ERC2: variants seen among roughly 807,000 people sequenced by gnomAD.
The protein encoded by ERC2 is ERC protein 2.
A neutral mutation model predicts 114.8 loss-of-function variants in ERC2; 42 were observed. The ratio of observed to expected loss-of-function variants is 0.37; its 90% CI spans 0.29 to 0.47. The LOEUF is 0.47. ERC2 is among the 20% of genes least tolerant of loss of function. The pLI, the probability that ERC2 is intolerant of heterozygous loss-of-function variation, is 0.99. For missense variants in ERC2, 939 were observed against 1,150.7 expected, an observed-to-expected ratio of 0.82 and a Z score of 2.66; for synonymous variants, 454 against 425.5, an observed-to-expected ratio of 1.07 and a Z score of -0.82.
intron 14 of ERC2, among the ~76,000 whole-genome samples, chr3:55,853,827 G>A (rs1460032297): frequency 6.6e-6 from 1 of 152,170 alleles, no homozygotes; most frequent in Non-Finnish European, 1.5e-5. Flanking sequence ...AAGAATTACA[G>A]AAGTGGGTGG....
intron 3 of ERC2, among the ~76,000 whole-genome samples, chr3:56,192,362 G>A (rs1474858601): frequency 6.6e-6 from 1 of 152,196 alleles, no homozygotes; most frequent in African/African-American, 2.4e-5. Context: ...TAGTAAGCAT[G>A]AGATAAATGT....
chr3:56,206,885 C>T (rs2150111686), intron 3 of ERC2, among the ~76,000 whole-genome samples: 1 of 152,302 alleles, frequency 6.6e-6, no homozygotes, highest in East Asian at 1.9e-4. Flanking sequence ...CTTGCCTAGG[C>T]AGGAATTTAA....
chr3:55,977,390 G>A (rs914273330), intron 12 of ERC2, among the ~76,000 whole-genome samples: 8 of 101,082 alleles, frequency 7.9e-5, no homozygotes, highest in Admixed American at 3.2e-4. Context: ...AAAGACAAAC[G>A]TATCATTTTC....
At chr3:55,874,170 C>T (rs185860801) in intron 14 of ERC2, among the ~76,000 whole-genome samples, 1 of 152,156 alleles carries the variant, frequency 6.6e-6, no homozygotes, top group East Asian at 1.9e-4. Flanking sequence ...AGAATGCTAC[C>T]CATACCTTGG....
intron 13 of ERC2, among the ~76,000 whole-genome samples, chr3:55,904,110 G>C (rs1056468592): frequency 1.3e-5 from 2 of 152,328 alleles, no homozygotes; most frequent in East Asian, 3.9e-4. Flanking sequence ...AGGTGATGGA[G>C]AAATGTTCTC....
intron 13 of ERC2, among the ~76,000 whole-genome samples, chr3:55,929,015 A>T (rs2065913767): frequency 6.6e-6 from 1 of 151,864 alleles, no homozygotes; most frequent in African/African-American, 2.4e-5. Context: ...ACTATCCACC[A>T]TTGCTTTGTT....
Position 56,080,922 on chromosome 3 carries a change from C to T in ERC2, c.1536G>A (p.Gln512=). The T allele has an allele frequency of 6.2e-7, 1 of 1,613,536 alleles. No individual in the cohort carries two copies. ...CCTTCTCTTCTGTGAGGTCCTGTAG[C>T]TGTTTTGTTTTTTTATTGAGGAAAG... ...KESFLNKKTK[Q]LQDLTEEKGT... Residue 512 remains glutamine, a synonymous_variant, in exon 7 of 18, where the codon CAG becomes CAA. Coordinates refer to ENST00000288221, the MANE Select transcript of ERC2 (RefSeq NM_015576.3).
intron 2 of ERC2, among the ~76,000 whole-genome samples, chr3:56,371,154 G>T (rs2059349014): frequency 6.6e-6 from 1 of 152,146 alleles, no homozygotes; most frequent in African/African-American, 2.4e-5. Context: ...GAAAAGAAAG[G>T]ACTGAAAGAC....
chr3:56,042,024 G>A (rs1009361940), intron 7 of ERC2, among the ~76,000 whole-genome samples: 2 of 152,140 alleles, frequency 1.3e-5, no homozygotes, highest in South Asian at 2.1e-4. Context: ...CAGCAAATTA[G>A]CGGCAAAGTG....
chr3:56,228,215 T>C (rs1023046818), intron 3 of ERC2, among the ~76,000 whole-genome samples: 2 of 152,186 alleles, frequency 1.3e-5, no homozygotes, highest in Non-Finnish European at 2.9e-5. Flanking sequence ...AAAATATACA[T>C]AATATTTACC....
intron 14 of ERC2, among the ~76,000 whole-genome samples, chr3:55,782,858 G>A (rs1256669123): frequency 6.6e-6 from 1 of 152,160 alleles, no homozygotes; most frequent in East Asian, 1.9e-4. Flanking sequence ...AAATAGCAGA[G>A]GCATCAAATT....
intron 10 of ERC2, among the ~76,000 whole-genome samples, chr3:56,000,420 T>C (rs1176744368): frequency 1.3e-5 from 2 of 152,054 alleles, no homozygotes; most frequent in East Asian, 3.9e-4. Context: ...AAAAATTCTA[T>C]ATAAAACACA....
At chr3:56,051,900 A>G (rs1262892545) in intron 7 of ERC2, among the ~76,000 whole-genome samples, 3 of 151,014 alleles carry the variant, frequency 2.0e-5, no homozygotes, top group African/African-American at 7.3e-5. Context: ...GGTCACATTT[A>G]TTTGTCAGAG....
intron 14 of ERC2, among the ~76,000 whole-genome samples, chr3:55,878,423 C>T (rs1363800297): frequency 2.0e-5 from 3 of 152,192 alleles, no homozygotes; most frequent in Admixed American, 2.0e-4. Flanking sequence ...CCCCATCCTG[C>T]TGTCCTCCTG....
intron 14 of ERC2, among the ~76,000 whole-genome samples, chr3:55,777,735 G>A (rs1327847119): frequency 6.6e-6 from 1 of 152,052 alleles, no homozygotes; most frequent in African/African-American, 2.4e-5. Context: ...ACACTATCAG[G>A]CAAACATGCT....
rs574205933 is a variant in ERC2, at chr3:55,771,725, C to T, written c.2565-36807G>A. On this transcript the variant is annotated intron_variant, in intron 14 of 17. Transcript: ENST00000288221. ...AACTCTTGCTCCCATTGCACTGAGG[C>T]GAGATAATTAACCCTGCACACCTGA... Among the ~76,000 whole-genome samples the T allele has an allele frequency of 3.9e-5, 6 of 152,296 alleles. No homozygotes were observed. In the South Asian group the frequency reaches 6.2e-4, roughly 16 times the overall value.
chr3:56,051,543 G>A (rs935314298), intron 7 of ERC2, among the ~76,000 whole-genome samples: 3 of 152,110 alleles, frequency 2.0e-5, no homozygotes, highest in Non-Finnish European at 4.4e-5. Context: ...GCAGAGAGAA[G>A]ATATCTTTGT....
intron 14 of ERC2, among the ~76,000 whole-genome samples, chr3:55,885,873 G>T (rs1186318400): frequency 2.6e-5 from 4 of 152,118 alleles, no homozygotes; most frequent in Non-Finnish European, 5.9e-5. Context: ...GAGGTTAAGG[G>T]CATTTCTCCC....
At chr3:56,399,108 AC>A (rs1374833968) in intron 2 of ERC2, among the ~76,000 whole-genome samples, 3 of 152,202 alleles carry the variant, frequency 2.0e-5, no homozygotes, top group African/African-American at 7.2e-5. Flanking sequence ...ATACCTTCCT[AC>A]CGCAGGGCTC....
Sources: gnomAD v4.1 joint callset for allele counts (sites outside exome capture counted in the v4.1 genomes callset) on GRCh38, gnomAD v4.1.1 for gene constraint, MANE v1.5 for transcripts, NCBI Gene and HGNC (gene_info 2026-07-23, HGNC 2026-07-21) for gene names.